Variants in CADM2 observed in about 807,000 individuals in gnomAD.
The protein encoded by CADM2 is cell adhesion molecule 2, also known as immunoglobulin superfamily member 4D.
In CADM2, 12 loss-of-function variants were observed where a neutral mutation model predicts 49.8. That is an observed-to-expected ratio of 0.24 (90% CI 0.15 to 0.39). The LOEUF is 0.39. CADM2 is among the 10% of genes least tolerant of loss of function. The pLI is 1.00. For missense variants in CADM2, 378 were observed against 492.3 expected (o/e 0.77, Z 2.20); for synonymous variants, 214 against 175.4 (o/e 1.22, Z -1.74).
In CADM2 at chr3:85,194,361, T is replaced by C. The variant is rs1576088163; in HGVS notation, c.61+234693T>C. 2.6e-5 allele frequency among the ~76,000 whole-genome samples: 4 copies of C among 152,028 alleles called. 1 individual carries two copies. On this transcript the variant is annotated intron_variant, in intron 1 of 9. Coordinates refer to ENST00000383699, the MANE Select transcript of CADM2 (RefSeq NM_001167675.2). The stretch of plus-strand genomic sequence containing the variant: ...AACATTGGGAAACTAATGAGAAGTT[T>C]TATATAGGAGGGTGACATGATCATA...
At chr3:85,398,110 C>T (rs1178713057) in intron 1 of CADM2, among the ~76,000 whole-genome samples, 1 of 151,992 alleles carries the variant, frequency 6.6e-6, no homozygotes, top group Non-Finnish European at 1.5e-5. Context: ...CACCCATTAA[C>T]TCATCATTTA....
chr3:85,416,241 A>G (rs9839731), intron 1 of CADM2, among the ~76,000 whole-genome samples: 117,433 of 151,906 alleles, frequency 0.77, 47,616 homozygotes, highest in East Asian at 0.95. Flanking sequence ...TAGTCTATTT[A>G]CAGTAAGGAC....
chr3:85,121,366 C>T (rs1472585205), intron 1 of CADM2, among the ~76,000 whole-genome samples: 3 of 152,018 alleles, frequency 2.0e-5, no homozygotes, highest in Non-Finnish European at 2.9e-5. Flanking sequence ...AAGGAAAAAC[C>T]TAAGAAGAAA....
At chr3:85,969,087 C>A (rs1347961328) in intron 8 of CADM2, among the ~76,000 whole-genome samples, 1 of 151,484 alleles carries the variant, frequency 6.6e-6, no homozygotes, top group Admixed American at 6.6e-5. Flanking sequence ...GACTAGGGTC[C>A]CTTGTTCCAC....
intron 1 of CADM2, among the ~76,000 whole-genome samples, chr3:85,168,594 T>C (rs974058185): frequency 2.0e-5 from 3 of 152,186 alleles, no homozygotes; most frequent in African/African-American, 7.2e-5. Flanking sequence ...TCATACTGAT[T>C]ATATTTGGTA....
intron 1 of CADM2, among the ~76,000 whole-genome samples, chr3:85,614,136 T>C (rs901114969): frequency 2.6e-5 from 4 of 151,574 alleles, no homozygotes; most frequent in Non-Finnish European, 5.9e-5. Flanking sequence ...TAAATCCAAG[T>C]GTATTGGTAT....
chr3:84,962,140 C>CAATAAATAAATA (rs34672884), intron 1 of CADM2, among the ~76,000 whole-genome samples: 151 of 148,470 alleles, frequency 1.0e-3, no homozygotes, highest in East Asian at 5.7e-3. Context: ...GCATTAGGTC[C>CAATAAATAAATA]AATAAATAAA....
At chr3:85,173,997 T>TCA (rs1297771580) in intron 1 of CADM2, among the ~76,000 whole-genome samples, 1 of 152,012 alleles carries the variant, frequency 6.6e-6, no homozygotes, top group Non-Finnish European at 1.5e-5. Flanking sequence ...TATTCTAACC[T>TCA]CACACACACA....
At chr3:85,410,278 G>C (rs1242753987) in intron 1 of CADM2, among the ~76,000 whole-genome samples, 1 of 152,120 alleles carries the variant, frequency 6.6e-6, no homozygotes, top group Non-Finnish European at 1.5e-5. Context: ...ATGACTTTTA[G>C]AGAATGTTTA....
At chr3:85,791,544 A>AAG (rs71112119) in intron 2 of CADM2, among the ~76,000 whole-genome samples, 1,672 of 99,924 alleles carry the variant, frequency 0.017, 25 homozygotes, top group African/African-American at 0.041. Context: ...GAGAGAGAGA[A>AAG]AGAGAGAGAG....
intron 1 of CADM2, among the ~76,000 whole-genome samples, chr3:85,684,300 T>C (rs2066133906): frequency 6.6e-6 from 1 of 152,166 alleles, no homozygotes; most frequent in Admixed American, 6.5e-5. Context: ...TTGGTCTCTA[T>C]CTACTCCCCT....
chr3:86,037,284 G>A (rs1262660689), intron 8 of CADM2, among the ~76,000 whole-genome samples: 1 of 151,944 alleles, frequency 6.6e-6, no homozygotes, highest in Non-Finnish European at 1.5e-5. Flanking sequence ...TAATGTCAAC[G>A]CTTAACATAA....
At chr3:85,659,238 T>A (rs1267819328) in intron 1 of CADM2, among the ~76,000 whole-genome samples, 1 of 151,836 alleles carries the variant, frequency 6.6e-6, no homozygotes, top group African/African-American at 2.4e-5. Flanking sequence ...AAAGTGGTAT[T>A]TTCCTCAACA....
intron 1 of CADM2, among the ~76,000 whole-genome samples, chr3:85,392,236 C>A (rs950794152): frequency 2.0e-5 from 3 of 152,008 alleles, no homozygotes; most frequent in African/African-American, 7.2e-5. Flanking sequence ...AGAAAAAAAT[C>A]AAAGAAATCC....
At position 85,017,063 on chromosome 3, in the gene CADM2, A is replaced by C. The variant is rs896889878; in HGVS notation, c.61+57395A>C. On this transcript the variant is annotated intron_variant, in intron 1 of 9. Coordinates refer to ENST00000383699, the MANE Select transcript of CADM2 (RefSeq NM_001167675.2). Reference sequence around the variant, plus strand: ...TAATATCACTAAGATCCAAACATTGAAGGAACAGGTAATCAGCTATTTCTG... The same window carrying C: ...TAATATCACTAAGATCCAAACATTGCAGGAACAGGTAATCAGCTATTTCTG... 5.9e-5 allele frequency among the ~76,000 whole-genome samples: 9 copies of C among 152,208 alleles called. No homozygotes were observed. The East Asian group carries it at 1.7e-3, about 29-fold the overall frequency.
chr3:86,041,373 A>G (rs1365447208), intron 8 of CADM2, among the ~76,000 whole-genome samples: 1 of 152,180 alleles, frequency 6.6e-6, no homozygotes, highest in Non-Finnish European at 1.5e-5. Context: ...CTCAAAATAA[A>G]AGGATGGAGG....
intron 1 of CADM2, among the ~76,000 whole-genome samples, chr3:85,484,201 T>C (rs2039326777): frequency 6.6e-6 from 1 of 151,890 alleles, no homozygotes. Flanking sequence ...ACCCTTTGAA[T>C]GAATTCTTAG....
At chr3:85,725,253 T>C (rs1577170311) in intron 1 of CADM2, among the ~76,000 whole-genome samples, 1 of 152,098 alleles carries the variant, frequency 6.6e-6, no homozygotes, top group South Asian at 2.1e-4. Flanking sequence ...GCAGTTTTTG[T>C]TATTGTAGAT....
At chr3:85,894,088 G>C (rs1714866111) in intron 5 of CADM2, among the ~76,000 whole-genome samples, 1 of 152,166 alleles carries the variant, frequency 6.6e-6, no homozygotes, top group Non-Finnish European at 1.5e-5. Flanking sequence ...CAAAGACTTG[G>C]AACCAAGCCA....
Sources: allele counts gnomAD v4.1 joint callset (sites outside exome capture counted in the v4.1 genomes callset), GRCh38; gene constraint gnomAD v4.1.1; transcripts MANE v1.5; gene names NCBI Gene and HGNC (gene_info 2026-07-23, HGNC 2026-07-21).